Variants in CTNNA1 observed in about 807,000 individuals in gnomAD.
CTNNA1 encodes catenin alpha 1.
Under a neutral mutation model 98.4 loss-of-function variants are expected in CTNNA1, and 37 were observed. The ratio of observed to expected loss-of-function variants is 0.38; its 90% CI spans 0.29 to 0.49. The LOEUF is 0.49. Among genes scored for constraint, CTNNA1 ranks in the 20% least tolerant of loss-of-function variants. The pLI, the probability that CTNNA1 is intolerant of heterozygous loss-of-function variation, is 0.95. For synonymous variants in CTNNA1, 404 were observed against 413.2 expected (o/e 0.98, Z 0.27); for missense variants, 761 against 1,147.2 (o/e 0.66, Z 4.86).
chr5:138,832,771 A>G (rs184734249), intron 7 of CTNNA1, among the ~76,000 whole-genome samples: 2 of 152,202 alleles, frequency 1.3e-5, no homozygotes, highest in Admixed American at 1.3e-4. Flanking sequence ...GTTTCAGACT[A>G]TTAAGTTAAT....
At chr5:138,878,450 A>C (rs976264100) in intron 7 of CTNNA1, among the ~76,000 whole-genome samples, 3 of 152,252 alleles carry the variant, frequency 2.0e-5, no homozygotes, top group African/African-American at 7.2e-5. Flanking sequence ...TTTGACTTAA[A>C]GTGGCAATAC....
At chr5:138,811,052 C>G (rs1234041697) in intron 4 of CTNNA1, among the ~76,000 whole-genome samples, 1 of 152,044 alleles carries the variant, frequency 6.6e-6, no homozygotes, top group Non-Finnish European at 1.5e-5. Context: ...GGGTGGCTGC[C>G]GGGCGGAGAC....
Position 138,874,641 on chromosome 5 carries a change from C to A in CTNNA1, c.1063-11571C>A. On this transcript the variant is annotated intron_variant, in intron 7 of 17. Coordinates refer to ENST00000302763, the MANE Select transcript of CTNNA1 (RefSeq NM_001903.5). The surrounding 1 kb of genome is among the most constrained non-coding windows in gnomAD (Gnocchi z 4.1). ...GCTATTTAAAAAAAACAACCACCAC[C>A]AACATTATAGCAAAAGATTTCACTG... 1.2e-6 allele frequency: 1 copy of A among 861,040 alleles called. No homozygotes were observed. Among genetic ancestry groups the A allele is most frequent in the Non-Finnish European group, 1.7e-6 (1 of 571,448 alleles). The allele number at this position is 861,040 out of a possible 1,614,324, so 53.3% of individuals were successfully genotyped here.
At chr5:138,904,871 GATC>G (rs1479862144) in intron 10 of CTNNA1, 1 of 152,630 alleles carries the variant, frequency 6.6e-6, no homozygotes, top group Non-Finnish European at 1.5e-5. Flanking sequence ...GAGGCGGGCG[GATC>G]ACGAGGTCAG....
At chr5:138,811,505 C>G (rs1758785655) in intron 4 of CTNNA1, among the ~76,000 whole-genome samples, 1 of 139,394 alleles carries the variant, frequency 7.2e-6, no homozygotes. Flanking sequence ...TCCTCACTTC[C>G]CAGACAGGGT....
At chr5:138,808,777 A>G (rs1289651424) in intron 3 of CTNNA1, among the ~76,000 whole-genome samples, 5 of 151,874 alleles carry the variant, frequency 3.3e-5, no homozygotes, top group African/African-American at 1.2e-4. Context: ...TTGCTTAGCC[A>G]AAGGAGGGAG....
chr5:138,776,791 A>G (rs1391768291), intron 1 of CTNNA1, among the ~76,000 whole-genome samples: 15 of 111,746 alleles, frequency 1.3e-4, no homozygotes, highest in South Asian at 3.2e-4. Context: ...GCGGCTGGCC[A>G]GGCGGGGGGC....
At chr5:138,759,500 G>T (rs998640743) in intron 1 of CTNNA1, among the ~76,000 whole-genome samples, 1 of 152,358 alleles carries the variant, frequency 6.6e-6, no homozygotes, top group African/African-American at 2.4e-5. Context: ...AAGTAGGGAG[G>T]TGGGGGCCCT....
In CTNNA1 at chr5:138,790,895, C is replaced by T. The variant is rs534233266; in HGVS notation, c.301+7523C>T. 3.3e-5 allele frequency: 5 copies of T among 152,298 alleles called. No homozygotes were observed. In the East Asian group the frequency reaches 7.7e-4, roughly 23 times the overall value. 9.4% of individuals were successfully genotyped at this position (152,298 alleles called of 1,614,324 possible). On this transcript the variant is annotated intron_variant, in intron 3 of 17. Coordinates refer to ENST00000302763, the MANE Select transcript of CTNNA1 (RefSeq NM_001903.5). ...TCGTACCACTAACCACAGCCAGTCA[C>T]CTCTCATGTATGTGTTGTTATTCTC...
At chr5:138,819,305 G>A (rs1054599713) in intron 5 of CTNNA1, among the ~76,000 whole-genome samples, 6 of 152,178 alleles carry the variant, frequency 3.9e-5, no homozygotes, top group Non-Finnish European at 8.8e-5. Flanking sequence ...TGTTGTGTGG[G>A]CCCTGGGGAG....
chr5:138,875,527 A>G (rs1211030550), intron 7 of CTNNA1: 1 of 985,510 alleles, frequency 1.0e-6, no homozygotes, highest in Non-Finnish European at 1.2e-6. Context: ...TAAAAACATG[A>G]TATTCCTTCA....
intron 7 of CTNNA1, among the ~76,000 whole-genome samples, chr5:138,847,587 A>G (rs1762839311): frequency 6.6e-6 from 1 of 152,210 alleles, no homozygotes; most frequent in Non-Finnish European, 1.5e-5. Context: ...TTGAAGAGAA[A>G]CCTGATGGTG....
chr5:138,833,548 T>C (rs535553050), intron 7 of CTNNA1, among the ~76,000 whole-genome samples: 4 of 152,350 alleles, frequency 2.6e-5, no homozygotes, highest in African/African-American at 9.6e-5. Context: ...AAAAATCATA[T>C]TTACATTGGT....
chr5:138,853,582 T>G (rs373349925), intron 7 of CTNNA1, among the ~76,000 whole-genome samples: 1,775 of 152,300 alleles, frequency 0.012, 27 homozygotes, highest in African/African-American at 0.041. Context: ...TTTCCTGTTT[T>G]GGGTAAAAAT....
chr5:138,898,347 T>C (rs1195555277), intron 9 of CTNNA1, among the ~76,000 whole-genome samples: 1 of 152,140 alleles, frequency 6.6e-6, no homozygotes, highest in Non-Finnish European at 1.5e-5. Flanking sequence ...ATCCCAGATA[T>C]TTCTTTATAG....
chr5:138,813,242 C>T (rs1759029325), intron 5 of CTNNA1, among the ~76,000 whole-genome samples: 1 of 152,218 alleles, frequency 6.6e-6, no homozygotes, highest in African/African-American at 2.4e-5. Flanking sequence ...TGGGTGGCTG[C>T]AGAGGCTCTT....
chr5:138,859,470 C>T (rs1764062045), intron 7 of CTNNA1, among the ~76,000 whole-genome samples: 2 of 152,104 alleles, frequency 1.3e-5, no homozygotes, highest in African/African-American at 2.4e-5. Context: ...TGGACCATTC[C>T]CCTGGACTTG....
At chr5:138,908,646 CAG>C (rs1759831009) in intron 10 of CTNNA1, among the ~76,000 whole-genome samples, 1 of 152,070 alleles carries the variant, frequency 6.6e-6, no homozygotes, top group African/African-American at 2.4e-5. Flanking sequence ...GCCTGGGCGA[CAG>C]AGTATGACCC....
chr5:138,839,341 C>T (rs896087903), intron 7 of CTNNA1, among the ~76,000 whole-genome samples: 5 of 152,084 alleles, frequency 3.3e-5, no homozygotes, highest in Non-Finnish European at 4.4e-5. Context: ...GCTGGGATTA[C>T]AGGCACCCGC....
Sources: allele counts gnomAD v4.1 joint callset (sites outside exome capture counted in the v4.1 genomes callset), GRCh38; gene constraint gnomAD v4.1.1; non-coding constraint Gnocchi (gnomAD v3.1); transcripts MANE v1.5; gene names NCBI Gene and HGNC (gene_info 2026-07-23, HGNC 2026-07-21).